Variants in RPAP2 observed in about 807,000 individuals in gnomAD.
RPAP2 encodes RNA polymerase II associated protein 2, also known as putative RNA polymerase II subunit B1 CTD phosphatase RPAP2.
A neutral mutation model predicts 73.1 loss-of-function variants in RPAP2; 52 were observed. That is an observed-to-expected ratio of 0.71 (90% CI 0.57 to 0.90). The LOEUF is 0.90. Among genes scored for constraint, RPAP2 ranks in the 40% least tolerant of loss-of-function variants. The pLI is 0.00. For missense variants in RPAP2, 598 were observed against 701.8 expected, an observed-to-expected ratio of 0.85 and a Z score of 1.67; for synonymous variants, 225 against 242.1, an observed-to-expected ratio of 0.93 and a Z score of 0.65.
chr1:92,311,315 C>T (rs1651584120), intron 6 of RPAP2, among the ~76,000 whole-genome samples: 1 of 152,020 alleles, frequency 6.6e-6, no homozygotes, highest in African/African-American at 2.4e-5. Flanking sequence ...TTAGTCATTG[C>T]TACTATAGAG....
At chr1:92,299,657 T>A (rs1291054329) in intron 1 of RPAP2, among the ~76,000 whole-genome samples, 1 of 152,126 alleles carries the variant, frequency 6.6e-6, no homozygotes. Context: ...AGAAGAAAAT[T>A]CAATCCCCAA....
At chr1:92,334,849 G>A (rs982769614) in intron 9 of RPAP2, among the ~76,000 whole-genome samples, 4 of 152,210 alleles carry the variant, frequency 2.6e-5, no homozygotes, top group South Asian at 2.1e-4. Flanking sequence ...TTAGCCGGGC[G>A]TGGTGGCGGA....
At chr1:92,377,850 A>G (rs1162649289) in intron 11 of RPAP2, among the ~76,000 whole-genome samples, 1 of 152,206 alleles carries the variant, frequency 6.6e-6, no homozygotes, top group Non-Finnish European at 1.5e-5. Flanking sequence ...TTAGTAATTT[A>G]TAGAATCATT....
At chr1:92,363,207 G>A (rs951651071) in intron 11 of RPAP2, among the ~76,000 whole-genome samples, 5 of 152,154 alleles carry the variant, frequency 3.3e-5, no homozygotes, top group Admixed American at 6.6e-5. Flanking sequence ...GATAAGGGTA[G>A]GAAAGAGATT....
intron 11 of RPAP2, among the ~76,000 whole-genome samples, chr1:92,379,086 T>C (rs984297480): frequency 6.6e-6 from 1 of 152,226 alleles, no homozygotes; most frequent in Non-Finnish European, 1.5e-5. Flanking sequence ...TCTGACAAAA[T>C]TTCCCTTTTA....
At chr1:92,325,661 C>T (rs902710539) in intron 8 of RPAP2, among the ~76,000 whole-genome samples, 14 of 152,010 alleles carry the variant, frequency 9.2e-5, no homozygotes, top group African/African-American at 3.4e-4. Flanking sequence ...TATGAATGTC[C>T]TGATGTAATC....
At chr1:92,335,597 G>A (rs1215927930) in intron 9 of RPAP2, among the ~76,000 whole-genome samples, 1 of 151,854 alleles carries the variant, frequency 6.6e-6, no homozygotes, top group Non-Finnish European at 1.5e-5. Context: ...AAATATGCTT[G>A]ATATATATGA....
intron 6 of RPAP2, among the ~76,000 whole-genome samples, chr1:92,309,119 C>T (rs1484729266): frequency 6.6e-6 from 1 of 151,658 alleles, no homozygotes; most frequent in East Asian, 1.9e-4. Context: ...AGCTATATAC[C>T]CTTCACTACC....
At chr1:92,318,298 C>A (rs895772580) in intron 6 of RPAP2, among the ~76,000 whole-genome samples, 6 of 152,184 alleles carry the variant, frequency 3.9e-5, no homozygotes, top group African/African-American at 4.8e-5. Context: ...GTCCTCTTAG[C>A]ATCCCTGGGG....
At position 92,396,533 on chromosome 1, in the gene RPAP2, G is replaced by A. The variant is rs947672111; in HGVS notation, c.*9522G>A. 6.6e-6 allele frequency: 1 copy of A among 152,132 alleles called. No individual in the cohort carries two copies. Among genetic ancestry groups the A allele is most frequent in the Admixed American group, 6.5e-5 (1 of 15,268 alleles). 9.4% of individuals were successfully genotyped at this position (152,132 alleles called of 1,614,324 possible). On this transcript the variant is annotated 3_prime_UTR_variant, in exon 13 of 13. Transcript: ENST00000610020. Reference sequence around the variant, plus strand: ...ATATACTAAATTAGCAGTTGCATGGGTCTGATGTGAAAACATGGATTGCCT... The same window carrying A: ...ATATACTAAATTAGCAGTTGCATGGATCTGATGTGAAAACATGGATTGCCT...
chr1:92,345,878 C>T lies in RPAP2; in HGVS notation c.1652C>T (p.Ala551Val), dbSNP rs182878724. ...LTNRNIIHKP[A>V]EWTLIAMVLL... ...AATAGAAATATTATACACAAACCTG[C>T]GGAATGGACTTTAATTGCTATGGTG... Residue 551 changes from alanine (A) to valine (V), a missense_variant, in exon 11 of 13, where the codon GCG (alanine) becomes GTG (valine). Around this residue, in one of 3 missense-constraint regions of RPAP2, gnomAD observed 506 missense variants for 612.8 expected, o/e 0.83. Transcript: ENST00000610020. The T allele has an allele frequency of 4.9e-5, 78 of 1,603,996 alleles. No homozygotes were observed. The East Asian group carries it at 1.4e-3, about 29-fold the overall frequency.
In RPAP2 at chr1:92,399,366, T is replaced by C. The variant is rs1300624650; in HGVS notation, c.*12355T>C. 1 of 152,172 alleles carries C rather than the reference T, an allele frequency of 6.6e-6. No homozygotes were observed. The allele number at this position is 152,172 out of a possible 1,614,324, so 9.4% of individuals were successfully genotyped here. ...CTCTAGTTTGCATAATTAAAGAAAG[T>C]GGAAGCTGGTTCTTTTCTGGGTGAC... On this transcript the variant is annotated 3_prime_UTR_variant, in exon 13 of 13. Coordinates refer to ENST00000610020, the MANE Select transcript of RPAP2 (RefSeq NM_024813.3).
At chr1:92,382,310 G>T (rs1337579773) in intron 12 of RPAP2, among the ~76,000 whole-genome samples, 1 of 152,180 alleles carries the variant, frequency 6.6e-6, no homozygotes, top group African/African-American at 2.4e-5. Context: ...GGGTCAAATG[G>T]TATTTCTAGA....
intron 8 of RPAP2, among the ~76,000 whole-genome samples, chr1:92,325,788 A>AT (rs1035766586): frequency 2.0e-5 from 3 of 151,446 alleles, no homozygotes; most frequent in African/African-American, 4.9e-5. Context: ...TAGTTCTGTC[A>AT]TTTTTTTTCC....
At chr1:92,363,494 T>TAACA (rs1013616866) in intron 11 of RPAP2, among the ~76,000 whole-genome samples, 1 of 152,184 alleles carries the variant, frequency 6.6e-6, no homozygotes, top group African/African-American at 2.4e-5. Flanking sequence ...ACATCATGCC[T>TAACA]AACAACTTCA....
At chr1:92,304,492 A>T in intron 5 of RPAP2, 143 bp downstream of exon 5, 2 of 500,356 alleles carry the variant, frequency 4.0e-6, no homozygotes, top group Non-Finnish European at 6.8e-6. Flanking sequence ...GAAAATAGTG[A>T]TGTTAAAAGT....
At chr1:92,376,296 G>A (rs533842570) in intron 11 of RPAP2, among the ~76,000 whole-genome samples, 79 of 152,080 alleles carry the variant, frequency 5.2e-4, no homozygotes, top group African/African-American at 1.5e-3. Context: ...ACTGAGAGAC[G>A]ACTATATTAT....
intron 6 of RPAP2, among the ~76,000 whole-genome samples, chr1:92,318,198 AC>A (rs1372089179): frequency 6.6e-6 from 1 of 152,104 alleles, no homozygotes; most frequent in Non-Finnish European, 1.5e-5. Flanking sequence ...CTCCAGTCAT[AC>A]TTTTTTTCTA....
chr1:92,366,690 A>C (rs12407622), intron 11 of RPAP2, among the ~76,000 whole-genome samples: 39,282 of 152,196 alleles, frequency 0.26, 6,519 homozygotes, highest in Non-Finnish European at 0.35. Flanking sequence ...GCTAAGGAGC[A>C]TGCAGTATAT....
Sources: gnomAD v4.1 joint callset for allele counts (sites outside exome capture counted in the v4.1 genomes callset) on GRCh38, gnomAD v4.1.1 for gene constraint, gnomAD v4.1.1 regional missense constraint, MANE v1.5 for transcripts, NCBI Gene and HGNC (gene_info 2026-07-23, HGNC 2026-07-21) for gene names.